NOL11: variants seen among roughly 807,000 people sequenced by gnomAD.
NOL11 encodes the protein nucleolar protein 11.
A neutral mutation model predicts 93.0 loss-of-function variants in NOL11; 42 were observed. That is an observed-to-expected ratio of 0.45 (90% CI 0.35 to 0.58). The LOEUF (loss-of-function observed/expected upper bound fraction) is 0.58, where lower values mean the gene tolerates loss of function less well. NOL11 is among the 20% of genes least tolerant of loss of function. The probability of loss-of-function intolerance (pLI) is 0.00; values close to 1 mark genes in which losing one functional copy is unlikely to be tolerated. For missense variants in NOL11, 775 were observed against 841.8 expected, an observed-to-expected ratio of 0.92 and a Z score of 0.98; for synonymous variants, 296 against 293.7, an observed-to-expected ratio of 1.01 and a Z score of -0.08.
chr17:67,722,984 C>T (rs1235890358), intron 5 of NOL11, among the ~76,000 whole-genome samples: 2 of 151,150 alleles, frequency 1.3e-5, no homozygotes, highest in African/African-American at 4.9e-5. Context: ...AGCCACTGTG[C>T]CCAGCTGTGA....
intron 1 of NOL11, among the ~76,000 whole-genome samples, 157 bp downstream of exon 1, chr17:67,718,245 A>G (rs1247535697): frequency 6.6e-6 from 1 of 152,108 alleles, no homozygotes; most frequent in African/African-American, 2.4e-5. Flanking sequence ...TGAGGTCTGG[A>G]ATCTGGCTTG....
rs201494014 is a variant in NOL11, at chr17:67,738,316, G to T, written c.1724G>T (p.Ser575Ile). Residue 575 changes from serine to isoleucine, a missense_variant, in exon 14 of 18, where the codon AGC becomes ATC. Ser to Ile is a moderately radical substitution (Grantham distance 142). Coordinates refer to ENST00000253247, the MANE Select transcript of NOL11 (RefSeq NM_015462.5). ...NKKPQDETKE[S>I]TSCPVVQKRA... is the part of the protein sequence containing the mutation. The stretch of plus-strand genomic sequence containing the variant: ...AAGCCCCAGGACGAAACAAAGGAGA[G>T]CACTTCATGCCCTGTGGTACAAAAA... 248 of 1,613,742 alleles carry T rather than the reference G, an allele frequency of 1.5e-4. No individual in the cohort carries two copies. The highest frequency in any genetic ancestry group is 3.3e-4 in the Middle Eastern group (2 of 6,084).
At chr17:67,721,124 A>G (rs2043214984) in intron 3 of NOL11, among the ~76,000 whole-genome samples, 1 of 152,234 alleles carries the variant, frequency 6.6e-6, no homozygotes. Context: ...AACCTCTAGT[A>G]GTCACAACGG....
At chr17:67,735,239 G>A (rs1394329394) in intron 8 of NOL11, among the ~76,000 whole-genome samples, 1 of 152,128 alleles carries the variant, frequency 6.6e-6, no homozygotes, top group Non-Finnish European at 1.5e-5. Flanking sequence ...CTTAGTGAAT[G>A]AATATTCATA....
chr17:67,737,375 A>G (rs2055211866), intron 11 of NOL11, 133 bp from the exon 12 acceptor site: 2 of 765,850 alleles, frequency 2.6e-6, no homozygotes, highest in Non-Finnish European at 4.2e-6. Context: ...TTAACTTTGC[A>G]GTGTCAGCTT....
intron 7 of NOL11, among the ~76,000 whole-genome samples, chr17:67,732,826 G>A (rs1049934726): frequency 9.9e-5 from 15 of 151,350 alleles, no homozygotes; most frequent in Admixed American, 7.2e-4. Flanking sequence ...TGTCTGTCTC[G>A]GCCTCCCAAA....
At chr17:67,722,677 T>G (rs1599035330) in intron 5 of NOL11, 40 bp downstream of exon 5, 17 of 1,446,940 alleles carry the variant, frequency 1.2e-5, no homozygotes, top group African/African-American at 9.5e-5. Context: ...TTTGTGAAAT[T>G]TCTTTAAAAA....
intron 7 of NOL11, among the ~76,000 whole-genome samples, chr17:67,731,098 G>A (rs1254509506): frequency 1.3e-5 from 2 of 152,078 alleles, no homozygotes; most frequent in Admixed American, 6.6e-5. Context: ...CAAGTCCTTT[G>A]CCTATTTTTA....
chr17:67,721,913 G>A (rs1427599990), intron 4 of NOL11, among the ~76,000 whole-genome samples: 1 of 152,058 alleles, frequency 6.6e-6, no homozygotes, highest in African/African-American at 2.4e-5. Context: ...AAATAAAACT[G>A]GAAAAATGAC....
Position 67,737,988 on chromosome 17 carries a change from A to C in NOL11, c.1529+16A>C, listed in dbSNP as rs137950264. 425 of 1,591,812 alleles carry C rather than the reference A, an allele frequency of 2.7e-4. 2 individuals carry two copies. Among genetic ancestry groups the C allele is most frequent in the Admixed American group, 3.4e-4 (18 of 52,680 alleles). ...TTTTCTTGAGGTAAGTTAGACTCCA[A>C]TGGTCCTTTTTCTTCACTACATTTA... On this transcript the variant is annotated intron_variant, in intron 13 of 17. Transcript: ENST00000253247.
In NOL11 at chr17:67,736,082, C is replaced by T. The variant is rs144176660; in HGVS notation, c.1054+59C>T. 789 of 1,420,602 alleles carry T rather than the reference C, an allele frequency of 5.6e-4. 2 individuals carry two copies. The African/African-American group carries it at 7.1e-3, about 13-fold the overall frequency. 88.0% of individuals were successfully genotyped at this position (1,420,602 alleles called of 1,614,324 possible). Reference sequence around the variant, plus strand: ...AAACCGTTTTATTAACTTGTAGTTTCGTACAGATTCCCACAGCCTTCTATT... The same window carrying T: ...AAACCGTTTTATTAACTTGTAGTTTTGTACAGATTCCCACAGCCTTCTATT... On this transcript the variant is annotated intron_variant, in intron 9 of 17. Coordinates refer to ENST00000253247, the MANE Select transcript of NOL11 (RefSeq NM_015462.5).
intron 1 of NOL11, chr17:67,719,180 C>G (rs948058014): frequency 1.3e-5 from 2 of 152,124 alleles, no homozygotes; most frequent in Non-Finnish European, 2.9e-5. Context: ...GGGTGGATCA[C>G]TTGAGGTCAG....
rs2055282213 is a variant in NOL11 at position 67,744,395 on chromosome 17, A to T, written c.*536A>T. On this transcript the variant is annotated 3_prime_UTR_variant, in exon 18 of 18. Coordinates refer to ENST00000253247, the MANE Select transcript of NOL11 (RefSeq NM_015462.5). ...AGGACAAATGAAAAGTTCAAGTGTG[A>T]TTCTACAGCCCAGCTTTACAGAAAG... 1 of 152,226 alleles carries T rather than the reference A, an allele frequency of 6.6e-6. No individual in the cohort carries two copies. Among genetic ancestry groups the T allele is most frequent in the Non-Finnish European group, 1.5e-5 (1 of 68,040 alleles). 9.4% of individuals were successfully genotyped at this position (152,226 alleles called of 1,614,324 possible). A position where few individuals can be genotyped will look rare whatever the true frequency, so the allele number is the denominator to read the frequency against.
At chr17:67,722,123 AG>A (rs1269643682) in intron 4 of NOL11, among the ~76,000 whole-genome samples, 1 of 152,252 alleles carries the variant, frequency 6.6e-6, no homozygotes, top group East Asian at 1.9e-4. Flanking sequence ...AATCCCTCTA[AG>A]GTGTGAGCAA....
intron 9 of NOL11, 96 bp from the exon 10 acceptor site, chr17:67,736,570 G>T: frequency 1.4e-6 from 1 of 725,730 alleles, no homozygotes; most frequent in Non-Finnish European, 2.3e-6. Context: ...CTCTTAAATT[G>T]TATGAGTGGT....
At chr17:67,723,956 A>G in intron 5 of NOL11, 93 bp from the exon 6 acceptor site, 1 of 812,566 alleles carries the variant, frequency 1.2e-6, no homozygotes, top group Non-Finnish European at 1.9e-6. Context: ...TCATTGATGT[A>G]AGTAGAATGG....
At chr17:67,727,306 C>G (rs556565674) in intron 7 of NOL11, among the ~76,000 whole-genome samples, 1 of 152,322 alleles carries the variant, frequency 6.6e-6, no homozygotes, top group South Asian at 2.1e-4. Context: ...AGGCAGTGCT[C>G]TCTATTGACC....
chr17:67,736,075 G>A (rs780097927), intron 9 of NOL11, 52 bp downstream of exon 9: 1 of 1,498,804 alleles, frequency 6.7e-7, no homozygotes, highest in South Asian at 1.2e-5. Context: ...TTATTAACTT[G>A]TAGTTTCGTA....
At chr17:67,728,592 G>C (rs1324527459) in intron 7 of NOL11, among the ~76,000 whole-genome samples, 1 of 151,972 alleles carries the variant, frequency 6.6e-6, no homozygotes, top group African/African-American at 2.4e-5. Flanking sequence ...AAACCCGGTG[G>C]CTACTATAGA....
Sources: gnomAD v4.1 joint callset for allele counts (sites outside exome capture counted in the v4.1 genomes callset) on GRCh38, gnomAD v4.1.1 for gene constraint, MANE v1.5 for transcripts, NCBI Gene and HGNC (gene_info 2026-07-23, HGNC 2026-07-21) for gene names.